The following GABRA2 variants were observed in gnomAD, a reference collection of about 807,000 sequenced individuals.
The protein encoded by GABRA2 is gamma-aminobutyric acid receptor subunit alpha-2.
In GABRA2, 16 loss-of-function variants were observed where a neutral mutation model predicts 48.7. The ratio of observed to expected loss-of-function variants is 0.33; its 90% CI spans 0.22 to 0.50. The LOEUF (loss-of-function observed/expected upper bound fraction) is 0.50. GABRA2 is among the 20% of genes least tolerant of loss of function. The pLI is 0.98. For synonymous variants in GABRA2, 185 were observed against 184.5 expected, an observed-to-expected ratio of 1.00 and a Z score of -0.02; for missense variants, 275 against 535.6, an observed-to-expected ratio of 0.51 and a Z score of 4.80.
chr4:46,275,380 T>C (rs1269399735), intron 8 of GABRA2, among the ~76,000 whole-genome samples: 1 of 152,150 alleles, frequency 6.6e-6, no homozygotes. Flanking sequence ...CCAAGAAATC[T>C]ATTGTGATTC....
intron 3 of GABRA2, among the ~76,000 whole-genome samples, chr4:46,337,584 G>A (rs1461098434): frequency 6.7e-6 from 1 of 148,180 alleles, no homozygotes; most frequent in Non-Finnish European, 1.5e-5. Flanking sequence ...TATGTAGAGG[G>A]CAAGCCGAGA....
At chr4:46,324,080 C>A (rs1729913554) in intron 4 of GABRA2, among the ~76,000 whole-genome samples, 1 of 151,928 alleles carries the variant, frequency 6.6e-6, no homozygotes, top group South Asian at 2.1e-4. Flanking sequence ...AATGTTACCT[C>A]CACTCTTTCT....
At chr4:46,346,317 A>G (rs911218541) in intron 3 of GABRA2, among the ~76,000 whole-genome samples, 1 of 151,882 alleles carries the variant, frequency 6.6e-6, no homozygotes, top group South Asian at 2.1e-4. Flanking sequence ...GTCAACATAC[A>G]TTTGATAAAA....
rs950916128 is a variant in GABRA2 at position 46,389,408 on chromosome 4, A to G, written c.-11+327T>C. 7 of 985,304 alleles carry G rather than the reference A, an allele frequency of 7.1e-6. No homozygotes were observed. In the African/African-American group the frequency reaches 1.0e-4, roughly 15 times the overall value. The allele number at this position is 985,304 out of a possible 1,614,324, so 61.0% of individuals were successfully genotyped here. A position where few individuals can be genotyped will look rare whatever the true frequency, so the allele number is the denominator to read the frequency against. On this transcript the variant is annotated intron_variant, in intron 1 of 9. Transcript: ENST00000381620. Reference sequence around the variant, plus strand: ...AGCTGCTCTGGAGCCGAGGATCACAATAAGAGAAGGCGCGTGAGGCTCCGG... The same window carrying G: ...AGCTGCTCTGGAGCCGAGGATCACAGTAAGAGAAGGCGCGTGAGGCTCCGG...
At chr4:46,325,673 T>A (rs1158210008) in intron 4 of GABRA2, among the ~76,000 whole-genome samples, 1 of 152,032 alleles carries the variant, frequency 6.6e-6, no homozygotes, top group Non-Finnish European at 1.5e-5. Flanking sequence ...AGAATGGCAT[T>A]TCCTAGGTTT....
At chr4:46,276,881 GCTA>G (rs1006327776) in intron 8 of GABRA2, among the ~76,000 whole-genome samples, 1 of 151,892 alleles carries the variant, frequency 6.6e-6, no homozygotes, top group African/African-American at 2.4e-5. Flanking sequence ...TTAAATAAAT[GCTA>G]CTTTTATTTT....
intron 3 of GABRA2, among the ~76,000 whole-genome samples, chr4:46,384,991 G>T (rs962539509): frequency 2.0e-5 from 3 of 151,138 alleles, no homozygotes; most frequent in African/African-American, 7.3e-5. Context: ...AAAACTAATA[G>T]AAATTAAATG....
chr4:46,385,078 C>CATATATATATATATAT (rs36113226), intron 3 of GABRA2, among the ~76,000 whole-genome samples: 2 of 143,540 alleles, frequency 1.4e-5, no homozygotes, highest in Non-Finnish European at 3.0e-5. Context: ...AATTGCCTAA[C>CATATATATATATATAT]ATATATATAT....
At chr4:46,277,148 A>G (rs1389800872) in intron 8 of GABRA2, among the ~76,000 whole-genome samples, 1 of 152,156 alleles carries the variant, frequency 6.6e-6, no homozygotes, top group Non-Finnish European at 1.5e-5. Flanking sequence ...GGCCACCTAT[A>G]TTCCTGAAAC....
At chr4:46,362,945 T>C (rs1456975095) in intron 3 of GABRA2, among the ~76,000 whole-genome samples, 1 of 152,172 alleles carries the variant, frequency 6.6e-6, no homozygotes, top group Non-Finnish European at 1.5e-5. Context: ...TATAATCTAC[T>C]CAGGTAATCA....
At chr4:46,359,073 T>TA (rs1450146932) in intron 3 of GABRA2, among the ~76,000 whole-genome samples, 1 of 152,172 alleles carries the variant, frequency 6.6e-6, no homozygotes, top group Non-Finnish European at 1.5e-5. Flanking sequence ...AAACTTAGTT[T>TA]AAGTATAAGG....
chr4:46,355,888 T>C (rs13129030), intron 3 of GABRA2, among the ~76,000 whole-genome samples: 4,239 of 152,246 alleles, frequency 0.028, 76 homozygotes, highest in South Asian at 0.041. Context: ...TCAGGTTACA[T>C]ACTAGACCAC....
At chr4:46,265,864 C>T (rs533100186) in intron 8 of GABRA2, among the ~76,000 whole-genome samples, 1 of 151,872 alleles carries the variant, frequency 6.6e-6, no homozygotes, top group Admixed American at 6.6e-5. Context: ...CCATAACATA[C>T]GTTATTTTTT....
chr4:46,259,642 T>G (rs1249775749), intron 9 of GABRA2, among the ~76,000 whole-genome samples: 1 of 151,860 alleles, frequency 6.6e-6, no homozygotes, highest in Admixed American at 6.6e-5. Flanking sequence ...ATAATTGGTA[T>G]TTTATGAATT....
At position 46,357,132 on chromosome 4, in the gene GABRA2, C is replaced by A. The variant is rs576444747; in HGVS notation, c.188-24450G>T. Among the ~76,000 whole-genome samples the A allele has an allele frequency of 1.4e-3, 209 of 151,960 alleles. 2 individuals carry two copies. Among genetic ancestry groups the A allele is most frequent in the African/African-American group, 4.9e-3 (204 of 41,424 alleles). The stretch of plus-strand genomic sequence containing the variant: ...GACTGCACTACTGGGGCTCTACATA[C>A]ATAAAACAGTGATCAGGAATATGTC... On this transcript the variant is annotated intron_variant, in intron 3 of 9. Transcript: ENST00000381620.
chr4:46,254,094 G>A (rs1715334811), intron 9 of GABRA2, among the ~76,000 whole-genome samples: 1 of 151,328 alleles, frequency 6.6e-6, no homozygotes, highest in South Asian at 2.1e-4. Flanking sequence ...GATAGTGATA[G>A]TCCCAAAGAA....
At chr4:46,372,219 C>A (rs1715004176) in intron 3 of GABRA2, among the ~76,000 whole-genome samples, 1 of 152,062 alleles carries the variant, frequency 6.6e-6, no homozygotes, top group African/African-American at 2.4e-5. Context: ...CTAATAAATC[C>A]AATTTTATTT....
At chr4:46,371,723 A>G (rs1164148058) in intron 3 of GABRA2, among the ~76,000 whole-genome samples, 1 of 152,214 alleles carries the variant, frequency 6.6e-6, no homozygotes, top group African/African-American at 2.4e-5. Context: ...ACAATTTTGT[A>G]AAAGTATAAG....
At chr4:46,289,879 T>TTTTTTTTATTTATTTATTTATTTATTTA (rs1256052563) in intron 8 of GABRA2, among the ~76,000 whole-genome samples, 1 of 128,322 alleles carries the variant, frequency 7.8e-6, no homozygotes, top group African/African-American at 4.6e-5. Flanking sequence ...TACCAGTTTA[T>TTTTTTTTATTTATTTATTTATTTATTTA]TTTATTTATT....
Sources: gnomAD v4.1 joint callset for allele counts (sites outside exome capture counted in the v4.1 genomes callset) on GRCh38, gnomAD v4.1.1 for gene constraint, MANE v1.5 for transcripts, NCBI Gene and HGNC (gene_info 2026-07-23, HGNC 2026-07-21) for gene names.